NOX4: variants seen among roughly 807,000 people sequenced by gnomAD.
The protein encoded by NOX4 is kidney oxidase-1.
NOX4 carries 69 observed loss-of-function variants against 87.6 expected under a neutral mutation model. The ratio of observed to expected loss-of-function variants is 0.79; its 90% CI spans 0.65 to 0.96. The LOEUF (loss-of-function observed/expected upper bound fraction) is 0.96. NOX4 is among the 40% of genes least tolerant of loss of function. The probability of loss-of-function intolerance (pLI) is 0.00; values close to 1 mark genes in which losing one functional copy is unlikely to be tolerated. For synonymous variants in NOX4, 275 were observed against 238.2 expected, an observed-to-expected ratio of 1.15 and a Z score of -1.42; for missense variants, 680 against 681.5, an observed-to-expected ratio of 1.00 and a Z score of 0.02.
chr11:89,375,804 C>T (rs1939798997), intron 11 of NOX4, among the ~76,000 whole-genome samples: 1 of 152,140 alleles, frequency 6.6e-6, no homozygotes, highest in Non-Finnish European at 1.5e-5. Context: ...ATCCGATTGT[C>T]CACATGTCAC....
chr11:89,547,628 A>G, the NOX4 span, among the ~76,000 whole-genome samples: 1 of 152,170 alleles, frequency 6.6e-6, no homozygotes, highest in South Asian at 2.1e-4. Flanking sequence ...TTAAAGATTG[A>G]GAAGAAATAC....
At chr11:89,354,166 C>T (rs1044104457) in intron 13 of NOX4, among the ~76,000 whole-genome samples, 7 of 152,144 alleles carry the variant, frequency 4.6e-5, no homozygotes, top group Non-Finnish European at 1.0e-4. Context: ...AAACCAAATT[C>T]TATTCCTTTA....
At chr11:89,450,630 G>T (rs1350880598) in intron 3 of NOX4, among the ~76,000 whole-genome samples, 1 of 151,756 alleles carries the variant, frequency 6.6e-6, no homozygotes, top group Non-Finnish European at 1.5e-5. Flanking sequence ...GTGCAGGTTA[G>T]TTACATATGT....
intron 12 of NOX4, among the ~76,000 whole-genome samples, chr11:89,359,080 CCATT>C (rs1473997482): frequency 7.2e-5 from 11 of 152,158 alleles, no homozygotes; most frequent in African/African-American, 2.6e-4. Flanking sequence ...TTTCTTTCTC[CCATT>C]CAATCAACAA....
chr11:89,416,932 G>C (rs1217371293), intron 8 of NOX4, among the ~76,000 whole-genome samples: 2 of 152,138 alleles, frequency 1.3e-5, no homozygotes, highest in Non-Finnish European at 2.9e-5. Context: ...AAGTGCAGCA[G>C]AGCTAGCACA....
At chr11:89,360,433 C>T (rs1938431668) in intron 12 of NOX4, among the ~76,000 whole-genome samples, 1 of 151,936 alleles carries the variant, frequency 6.6e-6, no homozygotes. Flanking sequence ...CATATGTATA[C>T]CAGAGATATG....
the NOX4 span, among the ~76,000 whole-genome samples, chr11:89,564,660 A>G: frequency 1.3e-5 from 2 of 152,188 alleles, no homozygotes; most frequent in South Asian, 4.1e-4. Flanking sequence ...CACACTTGCC[A>G]AAAGATCAAC....
chr11:89,484,083 G>T (rs1240486024), intron 2 of NOX4, among the ~76,000 whole-genome samples: 1 of 152,018 alleles, frequency 6.6e-6, no homozygotes, highest in African/African-American at 2.4e-5. Flanking sequence ...TTAGACTAAA[G>T]TCTAGTATTA....
At chr11:89,379,118 T>C (rs764460204) in intron 11 of NOX4, among the ~76,000 whole-genome samples, 20 of 152,054 alleles carry the variant, frequency 1.3e-4, no homozygotes, top group African/African-American at 4.3e-4. Context: ...TTTAGAGATA[T>C]AAAAATAGAT....
the NOX4 span, among the ~76,000 whole-genome samples, chr11:89,507,966 C>G: frequency 1.3e-5 from 2 of 152,040 alleles, no homozygotes; most frequent in African/African-American, 4.8e-5. Context: ...TAAACACATT[C>G]AAAAGTTATA....
chr11:89,388,665 T>C lies in NOX4; in HGVS notation c.1074+11352A>G, dbSNP rs529832336. ...AAGGAAACCTAACCTAAAACGTCAT[T>C]CATCCTTAAGGCTAGAAGACCATAA... On this transcript the variant is annotated intron_variant, in intron 11 of 17. Transcript: ENST00000263317. Among the ~76,000 whole-genome samples, 19 of 152,248 alleles carry C rather than the reference T, an allele frequency of 1.2e-4. No individual in the cohort carries two copies. In the South Asian group the frequency reaches 2.1e-3, roughly 17 times the overall value.
At chr11:89,527,938 G>T in the NOX4 span, among the ~76,000 whole-genome samples, 1 of 151,892 alleles carries the variant, frequency 6.6e-6, no homozygotes, top group Admixed American at 6.6e-5. Flanking sequence ...AGCTTGCACT[G>T]TCCACCTGGA....
chr11:89,511,499 T>A, the NOX4 span, among the ~76,000 whole-genome samples: 1 of 151,950 alleles, frequency 6.6e-6, no homozygotes, highest in African/African-American at 2.4e-5. Flanking sequence ...GTACTGGGGA[T>A]GGTTTTACTG....
chr11:89,493,008 T>C (rs902924359), upstream of NOX4, among the ~76,000 whole-genome samples: 7 of 152,202 alleles, frequency 4.6e-5, no homozygotes, highest in Admixed American at 4.6e-4. Context: ...AGTCCCAGGC[T>C]CTGTCTTTGC....
chr11:89,510,652 T>A, the NOX4 span, among the ~76,000 whole-genome samples: 1 of 151,932 alleles, frequency 6.6e-6, no homozygotes, highest in Non-Finnish European at 1.5e-5. Flanking sequence ...TTAAGAAAAA[T>A]TCAGAGAAAA....
chr11:89,360,136 T>C (rs1163852947), intron 12 of NOX4, among the ~76,000 whole-genome samples: 1 of 152,074 alleles, frequency 6.6e-6, no homozygotes, highest in East Asian at 1.9e-4. Context: ...GTCAATAAGA[T>C]GAATGCACCA....
chr11:89,358,838 C>T (rs1389705355), intron 12 of NOX4, among the ~76,000 whole-genome samples: 1 of 151,800 alleles, frequency 6.6e-6, no homozygotes, highest in African/African-American at 2.4e-5. Flanking sequence ...TCTCAGCAGG[C>T]TCAAACTGTT....
At chr11:89,499,002 T>G (rs536801640), upstream of NOX4, 9 of 154,370 alleles carry the variant, frequency 5.8e-5, 1 homozygote, top group Admixed American at 3.9e-4. Context: ...GTATAAGGCT[T>G]GCGGTGAGGT....
rs67342388 is a variant in NOX4, at chr11:89,474,458, C to CAA, written c.153+15998_153+15999dup. Among the ~76,000 whole-genome samples the CAA allele has an allele frequency of 1.0e-4, 10 of 97,018 alleles. 1 individual carries two copies. The South Asian group carries it at 1.8e-3, about 18-fold the overall frequency. 63.6% of individuals were successfully genotyped at this position (97,018 alleles called of 152,430 possible). A position where few individuals can be genotyped will look rare whatever the true frequency, so the allele number is the denominator to read the frequency against. ...TTCACTGCCGTATGATCTATAATAC[C>CAA]AAAAAAAAAAAAAAAAAAAAGGAAT... On this transcript the variant is annotated intron_variant, in intron 2 of 17. Coordinates refer to ENST00000263317, the MANE Select transcript of NOX4 (RefSeq NM_016931.5).
Sources: gnomAD v4.1 joint callset for allele counts (sites outside exome capture counted in the v4.1 genomes callset) on GRCh38, gnomAD v4.1.1 for gene constraint, MANE v1.5 for transcripts, NCBI Gene and HGNC (gene_info 2026-07-23, HGNC 2026-07-21) for gene names.